Variants in CADPS observed in about 807,000 individuals in gnomAD.
CADPS encodes the protein calcium-dependent secretion activator 1.
CADPS carries 57 observed loss-of-function variants against 167.3 expected under a neutral mutation model. The observed-to-expected ratio is 0.34, with a 90% CI of 0.28 to 0.42. CADPS has a LOEUF of 0.42. Ranked by LOEUF, CADPS falls within the 20% of genes least tolerant of loss-of-function variation. The pLI is 1.00. For synonymous variants in CADPS, 676 were observed against 635.3 expected, an observed-to-expected ratio of 1.06 and a Z score of -0.96; for missense variants, 1,414 against 1,738.1, an observed-to-expected ratio of 0.81 and a Z score of 3.32.
chr3:62,767,735 C>G (rs936990461), intron 1 of CADPS, among the ~76,000 whole-genome samples: 2 of 152,050 alleles, frequency 1.3e-5, no homozygotes, highest in African/African-American at 4.8e-5. Flanking sequence ...TTGTTACATT[C>G]TAGGGCACCA....
intron 24 of CADPS, 71 bp from the exon 25 acceptor site, chr3:62,466,484 G>A (rs780939497): frequency 5.4e-5 from 52 of 960,792 alleles, no homozygotes; most frequent in Middle Eastern, 4.1e-4. Context: ...GTAATTTTTA[G>A]ACAACTTAAT....
chr3:62,865,926 G>T (rs1278403859), intron 1 of CADPS, among the ~76,000 whole-genome samples: 2 of 152,068 alleles, frequency 1.3e-5, no homozygotes, highest in African/African-American at 4.8e-5. Context: ...GAACTTACAG[G>T]TTCTGTGATA....
intron 1 of CADPS, among the ~76,000 whole-genome samples, chr3:62,869,287 C>T (rs2082226015): frequency 6.6e-6 from 1 of 152,074 alleles, no homozygotes; most frequent in Admixed American, 6.6e-5. Flanking sequence ...TCCAGCCATT[C>T]CTGCAGTCAC....
At chr3:62,653,242 A>C (rs1374153873) in intron 4 of CADPS, among the ~76,000 whole-genome samples, 1 of 152,126 alleles carries the variant, frequency 6.6e-6, no homozygotes, top group Non-Finnish European at 1.5e-5. Flanking sequence ...GGCCTTGGGA[A>C]GATGATTAGA....
chr3:62,850,657 G>A (rs1230190599), intron 1 of CADPS, among the ~76,000 whole-genome samples: 4 of 151,220 alleles, frequency 2.6e-5, no homozygotes, highest in African/African-American at 7.3e-5. Context: ...TATAATTTCT[G>A]TTCTTTTACA....
chr3:62,652,417 A>T (rs2070413081), intron 4 of CADPS, among the ~76,000 whole-genome samples: 1 of 151,846 alleles, frequency 6.6e-6, no homozygotes, highest in African/African-American at 2.4e-5. Flanking sequence ...AAAAAAAAAA[A>T]AAAAAATAAG....
chr3:62,680,110 G>C (rs958809742), intron 3 of CADPS, among the ~76,000 whole-genome samples: 2 of 151,976 alleles, frequency 1.3e-5, no homozygotes, highest in African/African-American at 4.8e-5. Context: ...ATTACTCTTG[G>C]GGCAGTGGAA....
chr3:62,873,998 G>A (rs1422921591), intron 1 of CADPS, among the ~76,000 whole-genome samples: 2 of 152,238 alleles, frequency 1.3e-5, no homozygotes, highest in East Asian at 1.9e-4. Context: ...AGGGAGAGGA[G>A]GGTGCCCTTC....
intron 6 of CADPS, among the ~76,000 whole-genome samples, chr3:62,636,510 T>C (rs1045850923): frequency 6.6e-6 from 1 of 152,094 alleles, no homozygotes; most frequent in Non-Finnish European, 1.5e-5. Context: ...ACACCAGAGC[T>C]CTAGAAATTT....
chr3:62,688,492 C>G (rs921901510), intron 3 of CADPS, among the ~76,000 whole-genome samples: 5 of 152,036 alleles, frequency 3.3e-5, no homozygotes, highest in Non-Finnish European at 7.4e-5. Context: ...AAGGTGCCTA[C>G]TATGTGCCAC....
At chr3:62,781,839 A>G (rs949069048) in intron 1 of CADPS, among the ~76,000 whole-genome samples, 3 of 152,168 alleles carry the variant, frequency 2.0e-5, no homozygotes, top group African/African-American at 4.8e-5. Context: ...TTTGATTATG[A>G]AAAAATAAAA....
intron 11 of CADPS, among the ~76,000 whole-genome samples, chr3:62,541,354 C>A (rs769570647): frequency 8.5e-5 from 13 of 152,102 alleles, no homozygotes; most frequent in Non-Finnish European, 1.6e-4. Flanking sequence ...CTACCTGTTT[C>A]ACTTCGGGGG....
intron 1 of CADPS, among the ~76,000 whole-genome samples, chr3:62,789,117 C>G (rs747262531): frequency 3.4e-4 from 51 of 152,128 alleles, no homozygotes; most frequent in Non-Finnish European, 3.2e-4. Context: ...ACTGTGGCAA[C>G]ATAAAACTGA....
chr3:62,428,989 T>C (rs2053371256), intron 28 of CADPS, among the ~76,000 whole-genome samples: 1 of 152,222 alleles, frequency 6.6e-6, no homozygotes. Context: ...GCTTTAGAAG[T>C]ATTTTTGAAA....
chr3:62,649,726 T>A lies in CADPS; in HGVS notation c.1203+1121A>T, dbSNP rs188659485. Among the ~76,000 whole-genome samples the A allele has an allele frequency of 5.6e-3, 833 of 149,766 alleles. 7 individuals are homozygous for A. The highest frequency in any genetic ancestry group is 0.015 in the African/African-American group (598 of 40,820). On this transcript the variant is annotated intron_variant, in intron 5 of 29. Transcript: ENST00000383710. Reference sequence around the variant, plus strand: ...ATCACACTCAGCTAATTAAAAAAAATTTTTTTTTTGTAGAGATGTCTCACT... The same window carrying A: ...ATCACACTCAGCTAATTAAAAAAAAATTTTTTTTTGTAGAGATGTCTCACT...
Position 62,849,468 on chromosome 3 carries a change from T to G in CADPS, c.441+25121A>C, listed in dbSNP as rs915222825. Among the ~76,000 whole-genome samples the G allele has an allele frequency of 4.7e-3, 519 of 111,398 alleles. 45 individuals are homozygous for G. Among genetic ancestry groups the G allele is most frequent in the African/African-American group, 0.017 (491 of 28,808 alleles). 73.1% of individuals were successfully genotyped at this position (111,398 alleles called of 152,430 possible). Reference sequence around the variant, plus strand: ...TACGTCCCATCAATACCTAATTTATTGAGAGTTTTTAGCATGAAGGGTTGT... The same window carrying G: ...TACGTCCCATCAATACCTAATTTATGGAGAGTTTTTAGCATGAAGGGTTGT... On this transcript the variant is annotated intron_variant, in intron 1 of 29. Transcript: ENST00000383710.
At chr3:62,639,726 T>G (rs13094421) in intron 6 of CADPS, among the ~76,000 whole-genome samples, 14,390 of 152,222 alleles carry the variant, frequency 0.095, 770 homozygotes, top group Non-Finnish European at 0.11. Flanking sequence ...TCCAGGGTCT[T>G]GGAATAAAGT....
intron 9 of CADPS, among the ~76,000 whole-genome samples, chr3:62,558,548 T>C (rs2078596401): frequency 6.6e-6 from 1 of 152,238 alleles, no homozygotes; most frequent in Admixed American, 6.5e-5. Flanking sequence ...ACTTTCTAAG[T>C]GAACTTTGAT....
At chr3:62,820,785 CTTTTTTTTGG>C (rs1475464421) in intron 1 of CADPS, among the ~76,000 whole-genome samples, 1 of 76,874 alleles carries the variant, frequency 1.3e-5, no homozygotes, top group African/African-American at 3.8e-5. Flanking sequence ...CTTTCTTCCT[CTTTTTTTTGG>C]TTTTTTTTTT....
Sources: gnomAD v4.1 joint callset for allele counts (sites outside exome capture counted in the v4.1 genomes callset) on GRCh38, gnomAD v4.1.1 for gene constraint, MANE v1.5 for transcripts, NCBI Gene and HGNC (gene_info 2026-07-23, HGNC 2026-07-21) for gene names.